Variants in ZNF251 observed in about 807,000 individuals in gnomAD.
The protein encoded by ZNF251 is zinc finger protein 251.
In ZNF251, 14 loss-of-function variants were observed where a neutral mutation model predicts 13.5. That is an observed-to-expected ratio of 1.04 (90% confidence interval 0.69 to 1.63). The LOEUF (loss-of-function observed/expected upper bound fraction) is 1.63, where lower values mean the gene tolerates loss of function less well. Ranked by LOEUF, ZNF251 falls within the 40% of genes most tolerant of loss-of-function variation. The pLI, the probability that ZNF251 is intolerant of heterozygous loss-of-function variation, is 0.00. For missense variants in ZNF251, 764 were observed against 834.9 expected, an observed-to-expected ratio of 0.92 and a Z score of 1.05; for synonymous variants, 287 against 295.2, an observed-to-expected ratio of 0.97 and a Z score of 0.28.
rs890770557 is a variant in ZNF251 at position 144,734,443 on chromosome 8, C to T, written c.278-11061G>A. 4.6e-5 allele frequency among the ~76,000 whole-genome samples: 7 copies of T among 152,232 alleles called. No individual in the cohort carries two copies. The highest frequency in any genetic ancestry group is 7.3e-5 in the Non-Finnish European group (5 of 68,038). On this transcript the variant is annotated intron_variant, in intron 4 of 4. Transcript: ENST00000292562. This position sits in a 1 kb window ranked among gnomAD's most constrained non-coding sequence, Gnocchi z 4.4. ...AGCACCCGGTTCCTGCCCCACCGGA[C>T]GCTGGAGGCCTCCACCTGGCTCTGA...
intron 4 of ZNF251, among the ~76,000 whole-genome samples, chr8:144,752,135 C>CAAAAAAAAAAAAAAAAAAAAA (rs745386892): frequency 2.3e-5 from 2 of 86,192 alleles, no homozygotes; most frequent in Non-Finnish European, 5.0e-5. Flanking sequence ...ATAACTAGAC[C>CAAAAAAAAAAAAAAAAAAAAA]AAAAAAAAAA....
chr8:144,754,484 C>T (rs935394129), intron 2 of ZNF251, 163 bp from the exon 3 acceptor site: 3 of 1,445,218 alleles, frequency 2.1e-6, no homozygotes, highest in Non-Finnish European at 1.8e-6. Flanking sequence ...CGCTGAGGAC[C>T]AGCCAACTTC....
Position 144,722,349 on chromosome 8 carries a change from C to T in ZNF251, c.1311G>A (p.Glu437=). 1 of 1,613,898 alleles carries T rather than the reference C, an allele frequency of 6.2e-7. No homozygotes were observed. Among genetic ancestry groups the T allele is most frequent in the East Asian group, 2.2e-5 (1 of 44,870 alleles). The change falls in exon 5 of 5, where the codon GAG becomes GAA. Residue 437 remains glutamate (E), a synonymous_variant. Coordinates refer to ENST00000292562, the MANE Select transcript of ZNF251 (RefSeq NM_138367.2). The surrounding 1 kb of genome is among the most constrained non-coding windows in gnomAD (Gnocchi z 4.8). ...AACTCCGACGAAAGGCTTTGCCGCACTCATTACAAACATAGGGTTTTTCTC... is the reference window on the plus strand; with the variant it reads ...AACTCCGACGAAAGGCTTTGCCGCATTCATTACAAACATAGGGTTTTTCTC... ...HTGEKPYVCN[E]CGKAFRRSST...
At chr8:144,728,907 G>A (rs1020353119) in intron 4 of ZNF251, among the ~76,000 whole-genome samples, 6 of 151,574 alleles carry the variant, frequency 4.0e-5, no homozygotes, top group Non-Finnish European at 8.8e-5. Context: ...TGGCCAACAT[G>A]GTGAAACCCT....
chr8:144,735,404 A>AGAT (rs138945154), intron 4 of ZNF251, among the ~76,000 whole-genome samples: 33 of 147,200 alleles, frequency 2.2e-4, no homozygotes, highest in Admixed American at 8.9e-4. Flanking sequence ...AAAAAAAGAG[A>AGAT]TTTTGTATTT....
intron 4 of ZNF251, among the ~76,000 whole-genome samples, chr8:144,737,705 G>A (rs1218223604): frequency 1.3e-5 from 2 of 150,974 alleles, no homozygotes; most frequent in East Asian, 2.0e-4. Flanking sequence ...GGTGGCAGGC[G>A]CCTGTAGTCC....
intron 4 of ZNF251, among the ~76,000 whole-genome samples, chr8:144,751,400 T>C (rs2727226): frequency 0.084 from 12,726 of 152,278 alleles, 726 homozygotes; most frequent in Non-Finnish European, 0.13. Flanking sequence ...TAAAATGTTA[T>C]GTAGATGTAT....
intron 4 of ZNF251, chr8:144,753,419 G>A (rs554827505): frequency 7.3e-5 from 28 of 385,796 alleles, no homozygotes; most frequent in Middle Eastern, 6.7e-4. Context: ...AGAAGGGAAT[G>A]AAGTTGTTAT....
At chr8:144,732,791 G>C (rs1196610942) in intron 4 of ZNF251, among the ~76,000 whole-genome samples, 8 of 132,338 alleles carry the variant, frequency 6.0e-5, no homozygotes, top group African/African-American at 1.7e-4. Flanking sequence ...CAGCCTGGGC[G>C]ACAGAGCGAG....
chr8:144,721,578 C>A lies in ZNF251; in HGVS notation c.*66G>T. On this transcript the variant is annotated 3_prime_UTR_variant, in exon 5 of 5. Coordinates refer to ENST00000292562, the MANE Select transcript of ZNF251 (RefSeq NM_138367.2). ...TAATATTTAGACCTTATATATCTTT[C>A]ATTATGCCATCTTATCTTCTAATGT... 7.8e-7 allele frequency: 1 copy of A among 1,280,382 alleles called. No individual in the cohort carries two copies. The highest frequency in any genetic ancestry group is 1.0e-6 in the Non-Finnish European group (1 of 1,002,862). 79.3% of individuals were successfully genotyped at this position (1,280,382 alleles called of 1,614,324 possible).
chr8:144,736,394 A>G (rs1486009197), intron 4 of ZNF251, among the ~76,000 whole-genome samples: 2 of 152,168 alleles, frequency 1.3e-5, no homozygotes, highest in East Asian at 3.8e-4. Context: ...AGCCTACAAA[A>G]GGGAAAGCTT....
At chr8:144,753,274 GAAAAAAA>G (rs11336657) in intron 4 of ZNF251, among the ~76,000 whole-genome samples, 1 of 41,834 alleles carries the variant, frequency 2.4e-5, no homozygotes, top group Admixed American at 4.1e-4. Flanking sequence ...ATTCTGTCTC[GAAAAAAA>G]AAAAAAAAAA....
At position 144,722,860 on chromosome 8, in the gene ZNF251, C is replaced by T; in HGVS notation, c.800G>A (p.Cys267Tyr). The T allele has an allele frequency of 2.5e-6, 4 of 1,614,022 alleles. No homozygotes were observed. The highest frequency in any genetic ancestry group is 3.4e-6 in the Non-Finnish European group (4 of 1,179,896). ...HIHTGNKPFKCDECGKTFGLN... is the reference protein window; with the variant it reads ...HIHTGNKPFKYDECGKTFGLN... Reference sequence around the variant, plus strand: ...TCCAAAAGTTTTCCCACATTCATCACATTTAAATGGTTTATTTCCAGTGTG... The same window carrying T: ...TCCAAAAGTTTTCCCACATTCATCATATTTAAATGGTTTATTTCCAGTGTG... The change falls in exon 5 of 5, where the codon TGT becomes TAT. Residue 267 changes from cysteine (C) to tyrosine (Y), a missense_variant. Transcript: ENST00000292562. This position sits in a 1 kb window ranked among gnomAD's most constrained non-coding sequence, Gnocchi z 4.8.
chr8:144,751,017 T>C lies in ZNF251; in HGVS notation c.277+2666A>G, dbSNP rs113031332. 9.8e-3 allele frequency among the ~76,000 whole-genome samples: 1,497 copies of C among 152,078 alleles called. 21 individuals are homozygous for C. Among genetic ancestry groups the C allele is most frequent in the African/African-American group, 0.034 (1,401 of 41,456 alleles). ...GGAACCCACCACCACGCCCAGCTAA[T>C]TTTGTGTTTTTAATAGAGACAGGGT... On this transcript the variant is annotated intron_variant, in intron 4 of 4. Coordinates refer to ENST00000292562, the MANE Select transcript of ZNF251 (RefSeq NM_138367.2).
intron 4 of ZNF251, among the ~76,000 whole-genome samples, chr8:144,745,382 A>G (rs1316729632): frequency 6.6e-6 from 1 of 151,982 alleles, no homozygotes; most frequent in Non-Finnish European, 1.5e-5. Flanking sequence ...CCAATACCAC[A>G]CTGCCTTGAT....
Position 144,744,742 on chromosome 8 carries a change from G to A in ZNF251, c.277+8941C>T, listed in dbSNP as rs1000658141. ...TAACCATGCTAACACACTGATCTCG[G>A]ACGTGTAGCCTCCAGAACTGTAAGA... is the stretch of plus-strand genomic sequence containing the variant. On this transcript the variant is annotated intron_variant, in intron 4 of 4. Coordinates refer to ENST00000292562, the MANE Select transcript of ZNF251 (RefSeq NM_138367.2). Among the ~76,000 whole-genome samples, 17 of 152,260 alleles carry A rather than the reference G, an allele frequency of 1.1e-4. No homozygotes were observed. The South Asian group carries it at 1.7e-3, about 15-fold the overall frequency.
intron 4 of ZNF251, among the ~76,000 whole-genome samples, chr8:144,743,859 G>A (rs993704804): frequency 2.0e-5 from 3 of 152,050 alleles, no homozygotes; most frequent in East Asian, 1.9e-4. Flanking sequence ...CCTTCCATTC[G>A]GAGCCTATTC....
Position 144,734,071 on chromosome 8 carries a change from C to T in ZNF251, c.278-10689G>A, listed in dbSNP as rs946573393. ...CCTGAATGACTGTTGGGCAGGTAAG[C>T]GTGGCTCTGTGTTTCCGAAATCCTG... On this transcript the variant is annotated intron_variant, in intron 4 of 4. Coordinates refer to ENST00000292562, the MANE Select transcript of ZNF251 (RefSeq NM_138367.2). The surrounding 1 kb of genome is among the most constrained non-coding windows in gnomAD (Gnocchi z 4.4). 1.3e-5 allele frequency among the ~76,000 whole-genome samples: 2 copies of T among 152,184 alleles called. No individual in the cohort carries two copies. Among genetic ancestry groups the T allele is most frequent in the African/African-American group, 2.4e-5 (1 of 41,440 alleles).
chr8:144,739,616 C>G (rs940874121), intron 4 of ZNF251, among the ~76,000 whole-genome samples: 1 of 152,156 alleles, frequency 6.6e-6, no homozygotes, highest in Non-Finnish European at 1.5e-5. Flanking sequence ...CCACTGTGCC[C>G]GGAAACCTCA....
Sources: gnomAD v4.1 joint callset for allele counts (sites outside exome capture counted in the v4.1 genomes callset) on GRCh38, gnomAD v4.1.1 for gene constraint, Gnocchi (gnomAD v3.1) non-coding constraint, MANE v1.5 for transcripts, NCBI Gene and HGNC (gene_info 2026-07-23, HGNC 2026-07-21) for gene names.